The following ACIN1 variants were observed in gnomAD, a reference collection of about 807,000 sequenced individuals.
ACIN1 encodes apoptotic chromatin condensation inducer in the nucleus.
In ACIN1, 16 loss-of-function variants were observed where a neutral mutation model predicts 146.6. That is an observed-to-expected ratio of 0.11 (90% CI 0.07 to 0.17). The LOEUF (loss-of-function observed/expected upper bound fraction) is 0.17. ACIN1 is among the 10% of genes least tolerant of loss of function. The pLI, the probability that ACIN1 is intolerant of heterozygous loss-of-function variation, is 1.00. For synonymous variants in ACIN1, 569 were observed against 582.7 expected, an observed-to-expected ratio of 0.98 and a Z score of 0.34; for missense variants, 1,357 against 1,609.3, an observed-to-expected ratio of 0.84 and a Z score of 2.68.
Position 23,080,308 on chromosome 14 carries a change from G to C in ACIN1, c.1027C>G (p.Leu343Val), listed in dbSNP as rs964177271. ...GCAGTTTGCTCTGGCAGCGCTACAA[G>C]TGAGGCCTTCTTTCGATCTTCAGTC... ...RLTEDRKKAS[L>V]VALPEQTASE... The change falls in exon 6 of 19, where the codon CTT becomes GTT. Residue 343 changes from leucine (L) to valine (V), a missense_variant. By Grantham distance (32) the Leu-to-Val change is conservative. Around this residue, in one of 4 missense-constraint regions of ACIN1, gnomAD observed 771 missense variants for 746.6 expected, o/e 1.03. Transcript: ENST00000605057. 3.1e-6 allele frequency: 5 copies of C among 1,614,224 alleles called. No homozygotes were observed. Among genetic ancestry groups the C allele is most frequent in the Admixed American group, 1.7e-5 (1 of 60,032 alleles).
intron 4 of ACIN1, among the ~76,000 whole-genome samples, chr14:23,083,955 T>C (rs1182811185): frequency 2.0e-5 from 3 of 152,040 alleles, no homozygotes; most frequent in Non-Finnish European, 4.4e-5. Flanking sequence ...CTCTTATTTT[T>C]TTTTTTTTCT....
At position 23,095,038 on chromosome 14, in the gene ACIN1, T is replaced by G. The variant is rs2048339483; in HGVS notation, c.75A>C (p.Ala25=). Reference sequence around the variant, plus strand: ...TCTTGGCTAGGCCTCGCTGCTCCAGTGCGGCCTTCAGGTCGGTCACCCGCA... The same window carrying G: ...TCTTGGCTAGGCCTCGCTGCTCCAGGGCGGCCTTCAGGTCGGTCACCCGCA... ...QALRVTDLKA[A]LEQRGLAKSG... Residue 25 remains alanine (A), a synonymous_variant, in exon 1 of 19, where the codon GCA becomes GCC. Coordinates refer to ENST00000605057, the MANE Select transcript of ACIN1 (RefSeq NM_001386863.1). 1 of 1,613,208 alleles carries G rather than the reference T, an allele frequency of 6.2e-7. No individual in the cohort carries two copies. The highest frequency in any genetic ancestry group is 1.3e-5 in the African/African-American group (1 of 74,942).
Position 23,064,492 on chromosome 14 carries a change from T to TCCCCAAGAAATAGA in ACIN1, c.2309-18_2309-5dup, listed in dbSNP as rs1198100923. 6.2e-7 allele frequency: 1 copy of TCCCCAAGAAATAGA among 1,613,952 alleles called. No individual in the cohort carries two copies. The highest frequency in any genetic ancestry group is 2.2e-5 in the East Asian group (1 of 44,884). On this transcript the variant is annotated splice_polypyrimidine_tract_variant and splice_region_variant and intron_variant, in intron 10 of 18. Coordinates refer to ENST00000605057, the MANE Select transcript of ACIN1 (RefSeq NM_001386863.1). ...GCTGGCACCCCCTTGGTAGCTGCTG[T>TCCCCAAGAAATAGA]CCCCAAGAAATAGACCCAACAGTTA...
chr14:23,079,639 G>A lies in ACIN1; in HGVS notation c.1696C>T (p.Arg566Cys), dbSNP rs200998064. The change falls in exon 6 of 19, where the codon CGT (arginine) becomes TGT (cysteine). Residue 566 changes from arginine to cysteine, a missense_variant. By Grantham distance (180) the Arg-to-Cys change is radical (BLOSUM62 -3). Around this residue, in one of 4 missense-constraint regions of ACIN1, gnomAD observed 771 missense variants for 746.6 expected, o/e 1.03. Transcript: ENST00000605057. ...CTGGAGCCCATCTTGGGTCTACCAC[G>A]AGGGTTGGCATGAGTACGTGCCTGG... ...VAQARTHANP[R>C]GRPKMGSRST... 47 of 1,614,176 alleles carry A rather than the reference G, an allele frequency of 2.9e-5. 1 individual carries two copies. The highest frequency in any genetic ancestry group is 2.2e-4 in the South Asian group (20 of 91,086).
chr14:23,089,928 CCCA>C, intron 4 of ACIN1, 51 bp downstream of exon 4: 1 of 1,494,620 alleles, frequency 6.7e-7, no homozygotes, highest in Non-Finnish European at 9.0e-7. Context: ...ACTACCTCCC[CCCA>C]CCAACTACGC....
chr14:23,059,880 C>T (rs897747886), intron 18 of ACIN1, among the ~76,000 whole-genome samples: 13 of 151,856 alleles, frequency 8.6e-5, no homozygotes, highest in Admixed American at 2.0e-4. Flanking sequence ...TGGTCTTGAT[C>T]TCCTGACCTC....
intron 4 of ACIN1, among the ~76,000 whole-genome samples, chr14:23,087,552 T>G (rs2048119710): frequency 6.6e-6 from 1 of 151,874 alleles, no homozygotes; most frequent in Non-Finnish European, 1.5e-5. Context: ...ACCCTTACTC[T>G]AAATCTTTGC....
chr14:23,090,021 G>A lies in ACIN1; in HGVS notation c.397C>T (p.Leu133=), dbSNP rs2048187688. Reference sequence around the variant, plus strand: ...CTGAGCTCCAGCTCTGGTCTCTCCAGGCTGCTCTGAAAGTCAGGAGGCAGC... The same window carrying A: ...CTGAGCTCCAGCTCTGGTCTCTCCAAGCTGCTCTGAAAGTCAGGAGGCAGC... ...SLLPPDFQSS[L]ERPELELSRH... is the part of the protein sequence containing the mutation. The change falls in exon 4 of 19, where the codon CTG becomes TTG. Residue 133 remains leucine (L), a synonymous_variant. Coordinates refer to ENST00000605057, the MANE Select transcript of ACIN1 (RefSeq NM_001386863.1). 1.2e-6 allele frequency: 2 copies of A among 1,613,516 alleles called. No individual in the cohort carries two copies. The highest frequency in any genetic ancestry group is 2.2e-5 in the East Asian group (1 of 44,882).
chr14:23,073,612 C>T (rs1273821165), intron 8 of ACIN1, among the ~76,000 whole-genome samples: 2 of 152,136 alleles, frequency 1.3e-5, no homozygotes, highest in South Asian at 2.1e-4. Context: ...GAGCCGAGAT[C>T]GTGCCATTGC....
intron 8 of ACIN1, among the ~76,000 whole-genome samples, chr14:23,076,956 G>A (rs559092731): frequency 6.6e-6 from 1 of 152,226 alleles, no homozygotes; most frequent in South Asian, 2.1e-4. Flanking sequence ...CATTCCAGAA[G>A]GGAAAAACCA....
In ACIN1 at chr14:23,069,539, A is replaced by G. The variant is rs1398490542; in HGVS notation, c.2202T>C (p.Ile734=). ...GGTCATCATTGCTGACTTGGTCTGC[A>G]ATAGGCATGGGAGGTTCTGGAACAT... The part of the protein sequence containing the change: ...ENDVPEPPMP[I]ADQVSNDDRP... The change falls in exon 9 of 19, where the codon ATT becomes ATC. Residue 734 remains isoleucine, a synonymous_variant. Transcript: ENST00000605057. The G allele has an allele frequency of 6.2e-7, 1 of 1,614,022 alleles. No individual in the cohort carries two copies. The highest frequency in any genetic ancestry group is 1.7e-5 in the Admixed American group (1 of 60,022).
intron 4 of ACIN1, 54 bp downstream of exon 4, chr14:23,089,928 C>A: frequency 6.7e-7 from 1 of 1,494,618 alleles, no homozygotes; most frequent in Non-Finnish European, 9.0e-7. Context: ...ACTACCTCCC[C>A]CCACCAACTA....
chr14:23,080,343 G>A lies in ACIN1; in HGVS notation c.992C>T (p.Pro331Leu), dbSNP rs375052766. The A allele has an allele frequency of 5.6e-6, 9 of 1,614,098 alleles. No homozygotes were observed. Among genetic ancestry groups the A allele is most frequent in the Non-Finnish European group, 7.6e-6 (9 of 1,180,046 alleles). The change falls in exon 6 of 19, where the codon CCT becomes CTT. Residue 331 changes from proline to leucine, a missense_variant. Pro to Leu is a moderately conservative substitution (Grantham distance 98, BLOSUM62 -3). Transcript: ENST00000605057. ...CTTTCGATCTTCAGTCAGTCGAGGAGGGGAAGGAGACTTCGATTTTTCCTT... is the reference window on the plus strand; with the variant it reads ...CTTTCGATCTTCAGTCAGTCGAGGAAGGGAAGGAGACTTCGATTTTTCCTT... ...GLKEKSKSPS[P>L]PRLTEDRKKA...
Position 23,094,962 on chromosome 14 carries a change from G to T in ACIN1, c.138+13C>A, listed in dbSNP as rs1256809494. On this transcript the variant is annotated intron_variant, in intron 1 of 18. Coordinates refer to ENST00000605057, the MANE Select transcript of ACIN1 (RefSeq NM_001386863.1). ...CGCTCTCCTCCGACACCCCAGCAACGCCGACTCCTCACCCCTTTGAGCCGC... is the reference window on the plus strand; with the variant it reads ...CGCTCTCCTCCGACACCCCAGCAACTCCGACTCCTCACCCCTTTGAGCCGC... 6.3e-7 allele frequency: 1 copy of T among 1,579,118 alleles called. No homozygotes were observed. The highest frequency in any genetic ancestry group is 8.6e-7 in the Non-Finnish European group (1 of 1,166,458).
chr14:23,088,187 G>A (rs1055847284), intron 4 of ACIN1, among the ~76,000 whole-genome samples: 13 of 152,092 alleles, frequency 8.5e-5, no homozygotes, highest in East Asian at 3.8e-4. Flanking sequence ...AAGAAATACC[G>A]ACAATTTTAG....
chr14:23,069,641 T>TGGGGGGGGGGG, intron 8 of ACIN1, 24 bp from the exon 9 acceptor site: 7 of 309,178 alleles, frequency 2.3e-5, no homozygotes, highest in Admixed American at 5.3e-5. Flanking sequence ...GGAGTGGTGG[T>TGGGGGGGGGGG]GGGGGGGCGG....
In ACIN1 at chr14:23,063,630, T is replaced by C. The variant is rs972562928; in HGVS notation, c.2596-53A>G. 11 of 1,607,082 alleles carry C rather than the reference T, an allele frequency of 6.8e-6. No homozygotes were observed. In the African/African-American group the frequency reaches 1.1e-4, roughly 16 times the overall value. ...GTCTGTTAAACACCAAACTGGCATA[T>C]TCTTTTCAGCCTCTGGTTCCCCGGT... On this transcript the variant is annotated intron_variant, in intron 12 of 18. Coordinates refer to ENST00000605057, the MANE Select transcript of ACIN1 (RefSeq NM_001386863.1).
Position 23,059,332 on chromosome 14 carries a change from C to G in ACIN1, c.3668G>C (p.Arg1223Pro). Residue 1223 changes from arginine (R) to proline (P), a missense_variant, in exon 19 of 19, where the codon CGG becomes CCG. Transcript: ENST00000605057. The stretch of plus-strand genomic sequence containing the variant: ...CCTGTCCCTCTCCCGACTGTGCTCC[C>G]GACGTTTCTCTCGCTCCAGCTGTCG... ...RNRQLEREKR[R>P]EHSRERDRER... 6.2e-7 allele frequency: 1 copy of G among 1,605,836 alleles called. No individual in the cohort carries two copies.
chr14:23,071,071 G>T, intron 8 of ACIN1: 1 of 1,511,508 alleles, frequency 6.6e-7, no homozygotes, highest in Non-Finnish European at 9.0e-7. Context: ...GAAGGAAGAC[G>T]AAGGGAGCTA....
Sources: gnomAD v4.1 joint callset for allele counts (sites outside exome capture counted in the v4.1 genomes callset) on GRCh38, gnomAD v4.1.1 for gene constraint, gnomAD v4.1.1 regional missense constraint, MANE v1.5 for transcripts, NCBI Gene and HGNC (gene_info 2026-07-23, HGNC 2026-07-21) for gene names.